The following GDA variants were observed in gnomAD, a reference collection of about 807,000 sequenced individuals.
GDA encodes the protein cytoplasmic PSD-95 interactor.
Under a neutral mutation model 59.6 loss-of-function variants are expected in GDA, and 18 were observed. That is an observed-to-expected ratio of 0.30 (90% CI 0.21 to 0.45). The LOEUF (loss-of-function observed/expected upper bound fraction) is 0.45. Ranked by LOEUF, GDA falls within the 20% of genes least tolerant of loss-of-function variation. The pLI is 1.00. For missense variants in GDA, 427 were observed against 552.3 expected (o/e 0.77, Z 2.27); for synonymous variants, 201 against 201.1 (o/e 1.00, Z 0.00).
chr9:72,245,333 G>A, intron 12 of GDA, 55 bp downstream of exon 12: 3 of 1,336,668 alleles, frequency 2.2e-6, no homozygotes, highest in Non-Finnish European at 3.2e-6. Context: ...CGTCATAATA[G>A]CTTCCCTGTA....
intron 1 of GDA, among the ~76,000 whole-genome samples, chr9:72,120,181 A>T (rs1410192582): frequency 7.2e-6 from 1 of 138,630 alleles, no homozygotes. Context: ...TCCCAAAGAG[A>T]TGCAGCATTC....
intron 4 of GDA, among the ~76,000 whole-genome samples, chr9:72,213,675 C>T (rs998939739): frequency 6.6e-5 from 10 of 151,518 alleles, no homozygotes; most frequent in Admixed American, 1.3e-4. Flanking sequence ...CGGTGGCGGG[C>T]GCCTGTAGTC....
intron 5 of GDA, among the ~76,000 whole-genome samples, chr9:72,218,444 C>T (rs543141275): frequency 6.6e-6 from 1 of 152,308 alleles, no homozygotes; most frequent in African/African-American, 2.4e-5. Context: ...ATCAGCCTAT[C>T]CCAGCTTATC....
chr9:72,199,411 C>T (rs1163752839), intron 2 of GDA, among the ~76,000 whole-genome samples: 1 of 152,182 alleles, frequency 6.6e-6, no homozygotes, highest in Non-Finnish European at 1.5e-5. Context: ...GCAATAAATC[C>T]TTGCGCTTCT....
chr9:72,114,984 G>T (rs1373073464), intron 1 of GDA, among the ~76,000 whole-genome samples: 1 of 152,068 alleles, frequency 6.6e-6, no homozygotes, highest in Non-Finnish European at 1.5e-5. Flanking sequence ...GATGGACCTG[G>T]TATATCACAG....
At chr9:72,156,443 T>C (rs1199610344) in intron 1 of GDA, among the ~76,000 whole-genome samples, 1 of 152,214 alleles carries the variant, frequency 6.6e-6, no homozygotes, top group East Asian at 1.9e-4. Flanking sequence ...ACTCAAAATA[T>C]GCTGTTGGTC....
chr9:72,223,900 G>A (rs1309638537), intron 7 of GDA, among the ~76,000 whole-genome samples: 1 of 152,082 alleles, frequency 6.6e-6, no homozygotes, highest in Non-Finnish European at 1.5e-5. Context: ...GTCAGATCAG[G>A]GCAGAGACAA....
At chr9:72,170,303 C>T (rs1413907607) in intron 1 of GDA, among the ~76,000 whole-genome samples, 1 of 152,064 alleles carries the variant, frequency 6.6e-6, no homozygotes, top group African/African-American at 2.4e-5. Flanking sequence ...AATGGCTCTC[C>T]CAGTTCTATA....
intron 1 of GDA, among the ~76,000 whole-genome samples, chr9:72,133,308 A>AAAAATAAT (rs767205305): frequency 9.8e-6 from 1 of 101,558 alleles, no homozygotes; most frequent in Non-Finnish European, 2.1e-5. Flanking sequence ...AAAAAAAAAA[A>AAAAATAAT]AATAATAATA....
intron 7 of GDA, 132 bp from the exon 8 acceptor site, chr9:72,225,545 A>G (rs1837446695): frequency 8.3e-6 from 5 of 602,868 alleles, no homozygotes; most frequent in Non-Finnish European, 1.5e-5. Flanking sequence ...TGCATGTGTA[A>G]TCTTCATTGC....
rs776829985 is a variant in GDA, at chr9:72,250,834, T to C, written c.*2492T>C. On this transcript the variant is annotated 3_prime_UTR_variant, in exon 14 of 14. Transcript: ENST00000358399. ...CCATGGTATTTTCAACGGAATACACTTTGAAAGGTAAAAACAATTCAAAAG... is the reference window on the plus strand; with the variant it reads ...CCATGGTATTTTCAACGGAATACACCTTGAAAGGTAAAAACAATTCAAAAG... The C allele has an allele frequency of 6.2e-7, 1 of 1,609,370 alleles. No homozygotes were observed. The highest frequency in any genetic ancestry group is 1.3e-5 in the African/African-American group (1 of 74,948).
downstream of GDA, chr9:72,252,301 A>G (rs1840758605): frequency 6.6e-6 from 1 of 152,536 alleles, no homozygotes; most frequent in Non-Finnish European, 1.5e-5. Context: ...TGATTTTACA[A>G]TGTTTTTCTT....
At position 72,245,299 on chromosome 9, in the gene GDA, CA is replaced by C. The variant is rs760576111; in HGVS notation, c.1266+25del. 263 of 1,578,536 alleles carry C rather than the reference CA, an allele frequency of 1.7e-4. 1 individual carries two copies. In the South Asian group the frequency reaches 1.8e-3, roughly 11 times the overall value. ...CTGAGGTAAGTAAAAGAAAGTTAAT[CA>C]AAAGGCATTTATTTCATAAAGTCGT... On this transcript the variant is annotated intron_variant, in intron 12 of 13. Transcript: ENST00000358399.
chr9:72,221,532 AT>A (rs1459171917), intron 6 of GDA, among the ~76,000 whole-genome samples: 23 of 152,244 alleles, frequency 1.5e-4, no homozygotes, highest in Non-Finnish European at 8.8e-5. Flanking sequence ...TACCCTTCAC[AT>A]TCATGATATC....
chr9:72,249,245 C>T lies in GDA; in HGVS notation c.*903C>T, dbSNP rs2131872071. ...CGTGAACTGGGGCAAATGCTGGCATCCAGGAGCCGCCAATACTAACAGGAC... is the reference window on the plus strand; with the variant it reads ...CGTGAACTGGGGCAAATGCTGGCATTCAGGAGCCGCCAATACTAACAGGAC... On this transcript the variant is annotated 3_prime_UTR_variant, in exon 14 of 14. Coordinates refer to ENST00000358399, the MANE Select transcript of GDA (RefSeq NM_004293.5). 1.0e-6 allele frequency: 1 copy of T among 985,118 alleles called. No homozygotes were observed. Among genetic ancestry groups the T allele is most frequent in the African/African-American group, 1.7e-5 (1 of 57,324 alleles). The allele number at this position is 985,118 out of a possible 1,614,324, so 61.0% of individuals were successfully genotyped here. A position where few individuals can be genotyped will look rare whatever the true frequency, so the allele number is the denominator to read the frequency against.
intron 1 of GDA, among the ~76,000 whole-genome samples, chr9:72,150,122 G>A (rs1303973348): frequency 6.6e-6 from 1 of 152,194 alleles, no homozygotes; most frequent in African/African-American, 2.4e-5. Context: ...ATAAGAGGAG[G>A]GGGTCATTTG....
intron 1 of GDA, among the ~76,000 whole-genome samples, chr9:72,118,644 A>G (rs2130564233): frequency 6.6e-6 from 1 of 152,322 alleles, no homozygotes. Flanking sequence ...TAAATACATG[A>G]AAAAAATGTT....
At chr9:72,181,388 C>T (rs973931468) in intron 1 of GDA, among the ~76,000 whole-genome samples, 6 of 152,140 alleles carry the variant, frequency 3.9e-5, no homozygotes, top group Non-Finnish European at 5.9e-5. Flanking sequence ...TGCAGTGGCG[C>T]GATCTTGGCT....
intron 4 of GDA, among the ~76,000 whole-genome samples, chr9:72,213,595 A>T (rs1012535424): frequency 2.3e-4 from 35 of 151,818 alleles, no homozygotes; most frequent in Non-Finnish European, 1.3e-4. Context: ...CAAGGTCAGG[A>T]GATCGAGACC....
Sources: gnomAD v4.1 joint callset for allele counts (sites outside exome capture counted in the v4.1 genomes callset) on GRCh38, gnomAD v4.1.1 for gene constraint, MANE v1.5 for transcripts, NCBI Gene and HGNC (gene_info 2026-07-23, HGNC 2026-07-21) for gene names.